Variants in DLC1 observed in about 807,000 individuals in gnomAD.
The protein encoded by DLC1 is rho GTPase-activating protein 7.
DLC1 carries 54 observed loss-of-function variants against 140.3 expected under a neutral mutation model. The observed-to-expected ratio is 0.38, with a 90% CI of 0.31 to 0.48. DLC1 has a LOEUF of 0.48. DLC1 is among the 20% of genes least tolerant of loss of function. The pLI, the probability that DLC1 is intolerant of heterozygous loss-of-function variation, is 0.96. For synonymous variants in DLC1, 986 were observed against 728.1 expected (o/e 1.35, Z -5.70); for missense variants, 2,536 against 1,907.0 (o/e 1.33, Z -6.14).
At chr8:13,453,422 A>ATTTTTTTTTTTTTTTTTTTT (rs1554523043) in intron 2 of DLC1, among the ~76,000 whole-genome samples, 1 of 32,572 alleles carries the variant, frequency 3.1e-5, no homozygotes, top group African/African-American at 1.6e-4. Context: ...ATATATATAT[A>ATTTTTTTTTTTTTTTTTTTT]TGTGTATATA....
At chr8:13,325,474 A>C (rs1261463186) in intron 4 of DLC1, among the ~76,000 whole-genome samples, 1 of 136,644 alleles carries the variant, frequency 7.3e-6, no homozygotes, top group African/African-American at 2.7e-5. Context: ...ACACACACAC[A>C]CACACAGAAA....
intron 1 of DLC1, chr8:13,557,917 T>A (rs1275503907): frequency 6.6e-6 from 1 of 152,158 alleles, no homozygotes; most frequent in Non-Finnish European, 1.5e-5. Context: ...ACAAACCAGA[T>A]GATCTTTGTC....
intron 1 of DLC1, among the ~76,000 whole-genome samples, chr8:13,582,433 C>G (rs1805138385): frequency 6.6e-6 from 1 of 152,084 alleles, no homozygotes; most frequent in South Asian, 2.1e-4. Flanking sequence ...AAGGCAGACC[C>G]AAACTTAATC....
intron 4 of DLC1, among the ~76,000 whole-genome samples, chr8:13,345,139 C>T (rs1424795854): frequency 6.6e-6 from 1 of 152,006 alleles, no homozygotes; most frequent in Non-Finnish European, 1.5e-5. Flanking sequence ...CTCATTTGTC[C>T]ACGTGTGATA....
In DLC1 at chr8:13,085,861, C is replaced by T. The variant is rs373060484; in HGVS notation, c.4537G>A (p.Asp1513Asn). 3 of 1,614,164 alleles carry T rather than the reference C, an allele frequency of 1.9e-6. No homozygotes were observed. The highest frequency in any genetic ancestry group is 1.7e-6 in the Non-Finnish European group (2 of 1,180,024). ...TCAGTGTTCTGGTTACTGAAGGAATCCCGGATCTTTACAACTTCAGCTGCA... is the reference window on the plus strand; with the variant it reads ...TCAGTGTTCTGGTTACTGAAGGAATTCCGGATCTTTACAACTTCAGCTGCA... ...LCAAEVVKIR[D>N]SFSNQNTETK... The change falls in exon 18 of 18, where the codon GAT (aspartate) becomes AAT (asparagine). Residue 1513 changes from aspartate (D) to asparagine (N), a missense_variant. Transcript: ENST00000276297.
intron 15 of DLC1, 44 bp from the exon 16 acceptor site, chr8:13,088,748 C>T (rs1817786490): frequency 3.8e-6 from 6 of 1,575,730 alleles, no homozygotes; most frequent in African/African-American, 1.4e-5. Flanking sequence ...AATCCATACA[C>T]ACCTAGTTTT....
At chr8:13,526,689 G>A (rs1033992102) in intron 1 of DLC1, among the ~76,000 whole-genome samples, 28 of 151,832 alleles carry the variant, frequency 1.8e-4, no homozygotes, top group Non-Finnish European at 5.9e-5. Context: ...GCCAAACACC[G>A]CATGTTCTCA....
chr8:13,170,018 CAAAAAAAT>C (rs1563132880), intron 5 of DLC1, among the ~76,000 whole-genome samples: 2 of 151,112 alleles, frequency 1.3e-5, no homozygotes, highest in Non-Finnish European at 2.9e-5. Flanking sequence ...GACCTTGTCT[CAAAAAAAT>C]AAAAAAATAA....
At chr8:13,210,827 A>G (rs1802702010) in intron 5 of DLC1, among the ~76,000 whole-genome samples, 1 of 152,194 alleles carries the variant, frequency 6.6e-6, no homozygotes, top group Non-Finnish European at 1.5e-5. Flanking sequence ...AGCATTTGCT[A>G]TTCTTGCCGC....
chr8:13,176,775 C>T (rs890408603), intron 5 of DLC1, among the ~76,000 whole-genome samples: 1 of 152,054 alleles, frequency 6.6e-6, no homozygotes, highest in African/African-American at 2.4e-5. Flanking sequence ...AATCTGCTGA[C>T]CTTCAAATAT....
intron 7 of DLC1, among the ~76,000 whole-genome samples, chr8:13,103,630 G>A (rs371020227): frequency 5.9e-5 from 9 of 152,020 alleles, no homozygotes; most frequent in Admixed American, 1.3e-4. Context: ...CCTGAAGTCA[G>A]GAGTTTGAGA....
At chr8:13,188,801 G>GTGTGTATATATA (rs1293675412) in intron 5 of DLC1, among the ~76,000 whole-genome samples, 10 of 71,898 alleles carry the variant, frequency 1.4e-4, no homozygotes, top group Non-Finnish European at 1.5e-4. Context: ...GTGTGTGTGT[G>GTGTGTATATATA]TATATATATA....
chr8:13,196,194 C>T (rs953706546), intron 5 of DLC1, among the ~76,000 whole-genome samples: 25 of 151,738 alleles, frequency 1.6e-4, no homozygotes, highest in African/African-American at 6.0e-4. Flanking sequence ...GAGAATAGGA[C>T]TGGAGAGGTG....
chr8:13,542,228 C>A (rs1177559977), intron 1 of DLC1, among the ~76,000 whole-genome samples: 7 of 152,136 alleles, frequency 4.6e-5, no homozygotes, highest in Non-Finnish European at 1.0e-4. Flanking sequence ...TATTTAGAGA[C>A]TGTCTGTGGT....
chr8:13,578,009 TAA>T (rs78733121), intron 1 of DLC1, among the ~76,000 whole-genome samples: 21 of 144,418 alleles, frequency 1.5e-4, no homozygotes, highest in East Asian at 4.0e-4. Context: ...TCTATAGAAA[TAA>T]AAAAAAAAAA....
chr8:13,600,632 C>G (rs1042962363), intron 1 of DLC1, among the ~76,000 whole-genome samples: 1 of 151,862 alleles, frequency 6.6e-6, no homozygotes, highest in Non-Finnish European at 1.5e-5. Flanking sequence ...CTGTACATGA[C>G]TATTTTCTCT....
At chr8:13,376,191 C>T (rs1474974643) in intron 4 of DLC1, among the ~76,000 whole-genome samples, 1 of 152,118 alleles carries the variant, frequency 6.6e-6, no homozygotes, top group Admixed American at 6.6e-5. Context: ...CTCCCATTTT[C>T]TCTTCCAGAG....
At chr8:13,571,223 CA>C (rs1804642423) in intron 1 of DLC1, among the ~76,000 whole-genome samples, 3 of 152,074 alleles carry the variant, frequency 2.0e-5, no homozygotes, top group Admixed American at 6.5e-5. Context: ...GTAAAATCTA[CA>C]TAACAGAAAT....
chr8:13,539,967 A>T (rs566974406), intron 1 of DLC1, among the ~76,000 whole-genome samples: 32 of 152,242 alleles, frequency 2.1e-4, no homozygotes, highest in Non-Finnish European at 3.1e-4. Flanking sequence ...GGGAGACGTT[A>T]TCAAATTGAC....
Sources: gnomAD v4.1 joint callset for allele counts (sites outside exome capture counted in the v4.1 genomes callset) on GRCh38, gnomAD v4.1.1 for gene constraint, MANE v1.5 for transcripts, NCBI Gene and HGNC (gene_info 2026-07-23, HGNC 2026-07-21) for gene names.